Variants in GLRA2 observed in about 807,000 individuals in gnomAD.
GLRA2 encodes glycine receptor subunit alpha-2.
Under a neutral mutation model 31.6 loss-of-function variants are expected in GLRA2, and 11 were observed. The ratio of observed to expected loss-of-function variants is 0.35; its 90% CI spans 0.22 to 0.58. GLRA2 has a LOEUF of 0.58. GLRA2 is among the 20% of genes least tolerant of loss of function. GLRA2 has a pLI of 0.84. For synonymous variants in GLRA2, 132 were observed against 134.0 expected, an observed-to-expected ratio of 0.99 and a Z score of 0.10; for missense variants, 212 against 351.8, an observed-to-expected ratio of 0.60 and a Z score of 3.18.
intron 1 of GLRA2, 24 bp from the exon 2 acceptor site, chrX:14,532,215 T>C: frequency 9.3e-7 from 1 of 1,077,685 alleles, no homozygotes; most frequent in Non-Finnish European, 1.2e-6. Context: ...AAATTGTTGC[T>C]AAAAGAGTTA....
intron 7 of GLRA2, among the ~76,000 whole-genome samples, chrX:14,614,930 A>G (rs1429285256): frequency 9.0e-6 from 1 of 111,643 alleles, no homozygotes; most frequent in African/African-American, 3.3e-5. Flanking sequence ...ATGTTTTCGA[A>G]TGTCTGGTTT....
the GLRA2 span, among the ~76,000 whole-genome samples, chrX:14,455,438 T>G: frequency 3.6e-5 from 4 of 111,778 alleles, no homozygotes; most frequent in Admixed American, 9.5e-5. Flanking sequence ...ATATGGTAAC[T>G]TAAGAAATTA....
intron 7 of GLRA2, among the ~76,000 whole-genome samples, chrX:14,633,382 C>G (rs187872078): frequency 2.5e-4 from 28 of 111,342 alleles, no homozygotes; most frequent in African/African-American, 8.5e-4. Context: ...GTAGTCTCAG[C>G]TACTTGAAAG....
intron 7 of GLRA2, among the ~76,000 whole-genome samples, chrX:14,653,007 C>A (rs2090904721): frequency 1.8e-5 from 2 of 110,510 alleles, no homozygotes; most frequent in Admixed American, 1.9e-4. Flanking sequence ...CCAGGGAACA[C>A]CTAAATGAAT....
intron 7 of GLRA2, among the ~76,000 whole-genome samples, chrX:14,670,172 A>G (rs2091076201): frequency 9.0e-6 from 1 of 111,712 alleles, no homozygotes; most frequent in Non-Finnish European, 1.9e-5. Context: ...CTGGTTCCCA[A>G]CAAGTTTCTT....
intron 7 of GLRA2, among the ~76,000 whole-genome samples, chrX:14,678,498 CAGAG>C (rs1229835733): frequency 9.0e-6 from 1 of 110,666 alleles, no homozygotes; most frequent in African/African-American, 3.3e-5. Context: ...GATTGCTTTA[CAGAG>C]AGAAATGTTG....
At chrX:14,515,997 A>G in the GLRA2 span, among the ~76,000 whole-genome samples, 33 of 112,292 alleles carry the variant, frequency 2.9e-4, no homozygotes, top group African/African-American at 1.1e-3. Flanking sequence ...TGTTTGGATC[A>G]TAGAGTTACT....
chrX:14,653,654 A>G (rs1189181447), intron 7 of GLRA2, among the ~76,000 whole-genome samples: 1 of 112,761 alleles, frequency 8.9e-6, no homozygotes, highest in Non-Finnish European at 1.9e-5. Flanking sequence ...CAAAGGATTT[A>G]GAATATTCCA....
chrX:14,461,638 A>C, the GLRA2 span, among the ~76,000 whole-genome samples: 1 of 111,082 alleles, frequency 9.0e-6, no homozygotes, highest in Non-Finnish European at 1.9e-5. Flanking sequence ...TTGTTGGTTT[A>C]AAGTCTGTTT....
At chrX:14,727,548 C>G (rs1011303855) in intron 8 of GLRA2, among the ~76,000 whole-genome samples, 1 of 112,149 alleles carries the variant, frequency 8.9e-6, no homozygotes, top group African/African-American at 3.2e-5. Flanking sequence ...GTATGTGCTT[C>G]CTTTTCTTGC....
chrX:14,590,231 T>C (rs186749665), intron 4 of GLRA2, among the ~76,000 whole-genome samples: 15 of 111,415 alleles, frequency 1.3e-4, no homozygotes, highest in Non-Finnish European at 2.5e-4. Flanking sequence ...GCCTTCCCAG[T>C]AGTACTTGAG....
intron 8 of GLRA2, among the ~76,000 whole-genome samples, chrX:14,729,719 G>A (rs1193345163): frequency 9.0e-6 from 1 of 111,334 alleles, no homozygotes. Context: ...TAAACCTAAT[G>A]TTAATGGGGG....
At chrX:14,610,505 T>C (rs1330906477) in intron 7 of GLRA2, among the ~76,000 whole-genome samples, 2 of 112,273 alleles carry the variant, frequency 1.8e-5, no homozygotes, top group African/African-American at 6.5e-5. Context: ...AATACAGATG[T>C]CAGAAATACT....
intron 7 of GLRA2, among the ~76,000 whole-genome samples, chrX:14,678,971 G>T (rs906090049): frequency 9.0e-6 from 1 of 110,970 alleles, no homozygotes; most frequent in Admixed American, 9.7e-5. Context: ...AGATTTTAGC[G>T]GTCCTAACAT....
intron 8 of GLRA2, among the ~76,000 whole-genome samples, chrX:14,699,032 C>T (rs1293101746): frequency 8.9e-6 from 1 of 111,872 alleles, no homozygotes; most frequent in Non-Finnish European, 1.9e-5. Flanking sequence ...TGTAAAGCAG[C>T]CACTGTCAAT....
At chrX:14,564,695 A>G (rs1241499498) in intron 2 of GLRA2, among the ~76,000 whole-genome samples, 1 of 112,342 alleles carries the variant, frequency 8.9e-6, no homozygotes, top group East Asian at 2.8e-4. Flanking sequence ...CAACAAAAAC[A>G]TAAAGGAGAG....
intron 7 of GLRA2, among the ~76,000 whole-genome samples, chrX:14,636,791 T>C (rs1398738088): frequency 8.9e-6 from 1 of 112,287 alleles, no homozygotes; most frequent in Non-Finnish European, 1.9e-5. Context: ...TACAACTTTC[T>C]ATAAATCTAA....
the GLRA2 span, among the ~76,000 whole-genome samples, chrX:14,459,416 A>G: frequency 9.0e-6 from 1 of 110,755 alleles, no homozygotes; most frequent in African/African-American, 3.3e-5. Context: ...GAAGAAAGTC[A>G]TTGGTAGCTT....
At chrX:14,723,582 G>A (rs1228910282) in intron 8 of GLRA2, among the ~76,000 whole-genome samples, 1 of 111,613 alleles carries the variant, frequency 9.0e-6, no homozygotes, top group African/African-American at 3.3e-5. Flanking sequence ...AGCTTCATCA[G>A]ACACTGGTTT....
Sources: allele counts gnomAD v4.1 joint callset (sites outside exome capture counted in the v4.1 genomes callset), GRCh38; gene constraint gnomAD v4.1.1; transcripts MANE v1.5; gene names NCBI Gene and HGNC (gene_info 2026-07-23, HGNC 2026-07-21).